Variants in MAOA observed in about 807,000 individuals in gnomAD.
MAOA encodes the protein amine oxidase [flavin-containing] A.
Under a neutral mutation model 42.0 loss-of-function variants are expected in MAOA, and 6 were observed. The ratio of observed to expected loss-of-function variants is 0.14; its 90% confidence interval spans 0.08 to 0.28. The LOEUF is 0.28. Among genes scored for constraint, MAOA ranks in the 10% least tolerant of loss-of-function variants. The probability of loss-of-function intolerance (pLI) is 1.00; values close to 1 mark genes in which losing one functional copy is unlikely to be tolerated. For missense variants in MAOA, 262 were observed against 422.3 expected (o/e 0.62, Z 3.33); for synonymous variants, 140 against 154.0 (o/e 0.91, Z 0.67).
intron 3 of MAOA, among the ~76,000 whole-genome samples, chrX:43,700,561 G>C (rs1413179162): frequency 8.9e-6 from 1 of 112,049 alleles, no homozygotes; most frequent in East Asian, 2.8e-4. Flanking sequence ...TGTAGTCTGA[G>C]AGGTCCTCTG....
chrX:43,684,523 C>G (rs2033468696), intron 2 of MAOA, among the ~76,000 whole-genome samples: 1 of 101,766 alleles, frequency 9.8e-6, no homozygotes, highest in African/African-American at 3.5e-5. Context: ...AGTCAACTGA[C>G]ACAATATGAA....
intron 3 of MAOA, among the ~76,000 whole-genome samples, chrX:43,695,439 C>T (rs1183495226): frequency 1.8e-5 from 2 of 112,015 alleles, no homozygotes; most frequent in Non-Finnish European, 1.9e-5. Context: ...CAGTCTAAAA[C>T]TTGATATTGG....
At chrX:43,687,668 TGTA>T (rs1270900653) in intron 2 of MAOA, among the ~76,000 whole-genome samples, 1 of 112,366 alleles carries the variant, frequency 8.9e-6, no homozygotes, top group Non-Finnish European at 1.9e-5. Context: ...GTTAGAAATT[TGTA>T]GATCTCCTGG....
chrX:43,687,138 C>T (rs770513246), intron 2 of MAOA, among the ~76,000 whole-genome samples: 1 of 111,843 alleles, frequency 8.9e-6, no homozygotes, highest in Non-Finnish European at 1.9e-5. Flanking sequence ...ATGTTTGTGG[C>T]CTCTTCAAAG....
chrX:43,728,330 G>A lies in MAOA; in HGVS notation c.645+16G>A. 8.3e-7 allele frequency: 1 copy of A among 1,209,880 alleles called. No individual in the cohort carries two copies. Among genetic ancestry groups the A allele is most frequent in the Non-Finnish European group, 1.1e-6 (1 of 894,007 alleles). On this transcript the variant is annotated intron_variant, in intron 6 of 14. Coordinates refer to ENST00000338702, the MANE Select transcript of MAOA (RefSeq NM_000240.4). The stretch of plus-strand genomic sequence containing the variant: ...TGGTGGCCAGGTATGGTGTGTATGT[G>A]TCTGTTCTGAAACAAGAGCTTCATC...
rs112843015 is a variant in MAOA, at chrX:43,714,270, T to C, written c.503+1474T>C. 3.3e-3 allele frequency among the ~76,000 whole-genome samples: 366 copies of C among 110,380 alleles called. 1 individual carries two copies. The highest frequency in any genetic ancestry group is 0.012 in the African/African-American group (352 of 30,259). ...TGGAAGGGTGGATGGCATTGGGGGA[T>C]TTTGTCTTCTAGGAATGAGCCACAG... is the stretch of plus-strand genomic sequence containing the variant. On this transcript the variant is annotated intron_variant, in intron 5 of 14. Coordinates refer to ENST00000338702, the MANE Select transcript of MAOA (RefSeq NM_000240.4).
At chrX:43,666,595 C>G (rs946928456) in intron 1 of MAOA, among the ~76,000 whole-genome samples, 1 of 111,036 alleles carries the variant, frequency 9.0e-6, no homozygotes, top group African/African-American at 3.3e-5. Flanking sequence ...TACTTCCTTC[C>G]TCTTTTGCCC....
intron 1 of MAOA, among the ~76,000 whole-genome samples, chrX:43,678,012 C>T (rs1244837042): frequency 8.9e-6 from 1 of 111,944 alleles, no homozygotes; most frequent in East Asian, 2.8e-4. Flanking sequence ...AAGATGGCTC[C>T]ACATCTCCTA....
intron 5 of MAOA, among the ~76,000 whole-genome samples, chrX:43,725,290 T>A (rs1434581236): frequency 9.0e-6 from 1 of 111,605 alleles, no homozygotes; most frequent in African/African-American, 3.3e-5. Flanking sequence ...CCACCGTTAT[T>A]GTGTGGGAGT....
intron 3 of MAOA, among the ~76,000 whole-genome samples, chrX:43,708,922 G>A (rs2033679280): frequency 1.8e-5 from 2 of 109,613 alleles, no homozygotes; most frequent in East Asian, 2.9e-4. Context: ...GTGCAGTGAC[G>A]TGATCTCGGC....
chrX:43,660,312 C>G (rs1255505626), intron 1 of MAOA, among the ~76,000 whole-genome samples: 1 of 111,178 alleles, frequency 9.0e-6, no homozygotes, highest in Non-Finnish European at 1.9e-5. Flanking sequence ...AATAATGGCT[C>G]TCCCTTTATG....
upstream of MAOA, chrX:43,655,700 G>A: frequency 8.6e-6 from 1 of 115,831 alleles, no homozygotes; most frequent in Non-Finnish European, 1.8e-5. Flanking sequence ...CCCTGCCCCC[G>A]GATTCCAACC....
At chrX:43,717,077 A>G (rs188579355) in intron 5 of MAOA, among the ~76,000 whole-genome samples, 1 of 110,384 alleles carries the variant, frequency 9.1e-6, no homozygotes, top group African/African-American at 3.3e-5. Flanking sequence ...AGGTTGGGAG[A>G]GTAAGAAAGA....
intron 8 of MAOA, among the ~76,000 whole-genome samples, chrX:43,732,401 C>T (rs887402394): frequency 9.0e-6 from 1 of 111,191 alleles, no homozygotes. Context: ...CCAATGCAGC[C>T]CTTCTCTTTC....
Position 43,708,883 on chromosome X carries a change from C to CA in MAOA, c.307-2988dup, listed in dbSNP as rs775112647. Among the ~76,000 whole-genome samples the CA allele has an allele frequency of 4.7e-5, 5 of 107,385 alleles. No homozygotes were observed. The East Asian group carries it at 1.5e-3, about 32-fold the overall frequency. 93.3% of individuals were successfully genotyped at this position (107,385 alleles called of 115,157 possible). ...TTTTTGTTTGTTTGTGTGTTTGAGA[C>CA]AGAGTCGTGCTCTGTCGCTCAGGCT... On this transcript the variant is annotated intron_variant, in intron 3 of 14. Coordinates refer to ENST00000338702, the MANE Select transcript of MAOA (RefSeq NM_000240.4).
upstream of MAOA, chrX:43,655,672 GT>G (rs1339711984): frequency 8.8e-6 from 1 of 113,929 alleles, no homozygotes; most frequent in Non-Finnish European, 1.8e-5. Flanking sequence ...ACCCCACGGG[GT>G]TTGGTAAAAG....
chrX:43,661,217 G>A (rs2033231134), intron 1 of MAOA, among the ~76,000 whole-genome samples: 1 of 111,272 alleles, frequency 9.0e-6, no homozygotes, highest in Non-Finnish European at 1.9e-5. Context: ...CAGTGACTGG[G>A]GATCATGGGG....
In MAOA at chrX:43,728,212, T is replaced by C. The variant is rs756234483; in HGVS notation, c.543T>C (p.Asn181=). ...TTGCTTATCTTTTTGTGAATATCAA[T>C]GTGACCTCTGAGCCTCACGAAGTGT... ...RRFAYLFVNI[N]VTSEPHEVSA... is the part of the protein sequence containing the mutation. Residue 181 remains asparagine (N), a synonymous_variant, in exon 6 of 15, where the codon AAT becomes AAC. Transcript: ENST00000338702. The C allele has an allele frequency of 6.8e-5, 82 of 1,208,743 alleles. No homozygotes were observed. The highest frequency in any genetic ancestry group is 8.8e-5 in the Non-Finnish European group (79 of 894,054).
At chrX:43,693,933 C>G (rs2033557945) in intron 3 of MAOA, among the ~76,000 whole-genome samples, 1 of 111,816 alleles carries the variant, frequency 8.9e-6, no homozygotes. Context: ...CTCATTCTTA[C>G]CTGGCATTAT....
Sources: allele counts gnomAD v4.1 joint callset (sites outside exome capture counted in the v4.1 genomes callset), GRCh38; gene constraint gnomAD v4.1.1; transcripts MANE v1.5; gene names NCBI Gene and HGNC (gene_info 2026-07-23, HGNC 2026-07-21).